TRIM5: variants seen among roughly 807,000 people sequenced by gnomAD.
TRIM5 encodes the protein tripartite motif-containing protein 5.
TRIM5 carries 31 observed loss-of-function variants against 35.6 expected under a neutral mutation model. That is an observed-to-expected ratio of 0.87 (90% confidence interval 0.65 to 1.18). The LOEUF is 1.18. Among genes scored for constraint, TRIM5 ranks in the 50% most tolerant of loss-of-function variants. The probability of loss-of-function intolerance (pLI) is 0.00; values close to 1 mark genes in which losing one functional copy is unlikely to be tolerated. For missense variants in TRIM5, 609 were observed against 591.6 expected (o/e 1.03, Z -0.31); for synonymous variants, 243 against 215.6 (o/e 1.13, Z -1.11).
chr11:5,665,378 G>A lies in TRIM5; in HGVS notation c.913C>T (p.Pro305Ser), dbSNP rs772302576. Residue 305 changes from proline (P) to serine (S), a missense_variant, in exon 8 of 8, where the codon CCA becomes TCA. By Grantham distance (74) the Pro-to-Ser change is moderately conservative. Transcript: ENST00000380034. ...ATGACAGCACATGAAATGTTGTTTG[G>A]AGCCACTGTCACATCAACTGTAGAA... ...RRYWVDVTVA[P>S]NNISCAVISE... 3.7e-6 allele frequency: 6 copies of A among 1,610,354 alleles called. No individual in the cohort carries two copies. In the South Asian group the frequency reaches 5.5e-5, roughly 15 times the overall value.
intron 4 of TRIM5, among the ~76,000 whole-genome samples, chr11:5,670,247 A>G (rs548745401): frequency 2.3e-4 from 30 of 128,792 alleles, no homozygotes; most frequent in Middle Eastern, 6.1e-3. Flanking sequence ...GTGCGATCTC[A>G]GCTCACTGCA....
chr11:5,678,478 C>T (rs1476758828), intron 3 of TRIM5, 44 bp from the exon 4 acceptor site: 1 of 1,445,132 alleles, frequency 6.9e-7, no homozygotes, highest in Non-Finnish European at 9.2e-7. Context: ...GTCTACCAGG[C>T]AGAGGCTGTT....
At position 5,679,640 on chromosome 11, in the gene TRIM5, G is replaced by GA. The variant is rs950028312; in HGVS notation, c.417+120dup. The GA allele has an allele frequency of 6.3e-6, 7 of 1,112,414 alleles. No individual in the cohort carries two copies. The Admixed American group carries it at 1.1e-4, about 17-fold the overall frequency. The allele number at this position is 1,112,414 out of a possible 1,614,324, so 68.9% of individuals were successfully genotyped here. A position where few individuals can be genotyped will look rare whatever the true frequency, so the allele number is the denominator to read the frequency against. On this transcript the variant is annotated intron_variant, in intron 2 of 7. Coordinates refer to ENST00000380034, the MANE Select transcript of TRIM5 (RefSeq NM_033034.3). Reference sequence around the variant, plus strand: ...AAGCCTCAGAAGTTAAGCATAGCATGAAAAAAATAATCCCGGGTCTCAGGT... The same window carrying GA: ...AAGCCTCAGAAGTTAAGCATAGCATGAAAAAAAATAATCCCGGGTCTCAGGT...
At chr11:5,671,209 G>T (rs2342387) in intron 4 of TRIM5, among the ~76,000 whole-genome samples, 1 of 151,756 alleles carries the variant, frequency 6.6e-6, no homozygotes, top group Non-Finnish European at 1.5e-5. Context: ...ATGGGCAACA[G>T]AGTGAGACTC....
the TRIM5 span, among the ~76,000 whole-genome samples, chr11:5,645,258 G>A: frequency 6.6e-6 from 1 of 152,002 alleles, no homozygotes; most frequent in East Asian, 1.9e-4. Flanking sequence ...TGGATGTGGT[G>A]GCGAGCCCCT....
rs1268927408 is a variant in TRIM5, at chr11:5,680,211, T to G, written c.-34A>C. 1 of 1,545,230 alleles carries G rather than the reference T, an allele frequency of 6.5e-7. No homozygotes were observed. The highest frequency in any genetic ancestry group is 1.9e-5 in the Admixed American group (1 of 51,598). ...TTCCACTGCTCCTGCCTGTCCTGGC[T>G]GCTGAGGTTCCTCTTGTTCACAGAT... On this transcript the variant is annotated 5_prime_UTR_variant, in exon 2 of 8. Coordinates refer to ENST00000380034, the MANE Select transcript of TRIM5 (RefSeq NM_033034.3).
At chr11:5,608,113 TACATA>T in the TRIM5 span, among the ~76,000 whole-genome samples, 1 of 152,214 alleles carries the variant, frequency 6.6e-6, no homozygotes, top group Non-Finnish European at 1.5e-5. Flanking sequence ...ATGCTATACA[TACATA>T]ACATTACACA....
At chr11:5,681,174 G>C (rs1327574892) in intron 1 of TRIM5, among the ~76,000 whole-genome samples, 3 of 152,182 alleles carry the variant, frequency 2.0e-5, no homozygotes, top group Non-Finnish European at 2.9e-5. Context: ...AGAGGCAGTG[G>C]ATATCAGTCT....
At chr11:5,655,293 A>T in the TRIM5 span, among the ~76,000 whole-genome samples, 23 of 152,182 alleles carry the variant, frequency 1.5e-4, 1 homozygote, top group South Asian at 3.5e-3. Flanking sequence ...GTAGTATGTG[A>T]TAAATAAAGA....
At chr11:5,594,139 T>G in the TRIM5 span, among the ~76,000 whole-genome samples, 1 of 152,196 alleles carries the variant, frequency 6.6e-6, no homozygotes, top group African/African-American at 2.4e-5. Context: ...TATCTAACTT[T>G]TCGAGACCCC....
chr11:5,608,018 C>T, the TRIM5 span, among the ~76,000 whole-genome samples: 4 of 152,158 alleles, frequency 2.6e-5, no homozygotes, highest in Non-Finnish European at 5.9e-5. Flanking sequence ...GCAACCAGAA[C>T]AGGATGTAAG....
chr11:5,603,417 C>T, the TRIM5 span: 1 of 1,613,906 alleles, frequency 6.2e-7, no homozygotes, highest in Non-Finnish European at 8.5e-7. Context: ...ACAGCTTCTG[C>T]CAAGCCTGCA....
At chr11:5,637,042 G>A in the TRIM5 span, among the ~76,000 whole-genome samples, 2 of 152,172 alleles carry the variant, frequency 1.3e-5, no homozygotes, top group African/African-American at 2.4e-5. Flanking sequence ...TGGTGATGGC[G>A]GCTGCCTGTA....
the TRIM5 span, among the ~76,000 whole-genome samples, chr11:5,655,975 C>A: frequency 6.6e-6 from 1 of 152,174 alleles, no homozygotes; most frequent in South Asian, 2.1e-4. Flanking sequence ...AACTGGACCC[C>A]TTCCTTACAC....
the TRIM5 span, chr11:5,643,164 G>A: frequency 6.5e-6 from 10 of 1,545,490 alleles, no homozygotes; most frequent in Non-Finnish European, 8.7e-6. Flanking sequence ...ACTGAATTCA[G>A]TCAACCTAAA....
the TRIM5 span, chr11:5,612,986 A>G: frequency 6.6e-6 from 1 of 152,242 alleles, no homozygotes; most frequent in East Asian, 1.9e-4. Flanking sequence ...TGTGGATACT[A>G]GAAACCTTAA....
chr11:5,654,912 C>T, the TRIM5 span, among the ~76,000 whole-genome samples: 284 of 152,146 alleles, frequency 1.9e-3, 2 homozygotes, highest in South Asian at 0.018. Context: ...TTTTTCTGGC[C>T]GGGCACGGTA....
the TRIM5 span, among the ~76,000 whole-genome samples, chr11:5,598,776 T>C: frequency 6.6e-6 from 1 of 152,226 alleles, no homozygotes; most frequent in South Asian, 2.1e-4. Context: ...CTTTTAATTT[T>C]TCTTGTATTT....
At chr11:5,611,451 T>C in the TRIM5 span, 100,433 of 1,082,264 alleles carry the variant, frequency 0.093, 5,138 homozygotes, top group South Asian at 0.16. Context: ...TTTGTTGTTT[T>C]TTGGTTTTTG....
Sources: gnomAD v4.1 joint callset for allele counts (sites outside exome capture counted in the v4.1 genomes callset) on GRCh38, gnomAD v4.1.1 for gene constraint, MANE v1.5 for transcripts, NCBI Gene and HGNC (gene_info 2026-07-23, HGNC 2026-07-21) for gene names.